COG5: variants seen among roughly 807,000 people sequenced by gnomAD.
COG5 encodes component of oligomeric golgi complex 5.
In COG5, 86 loss-of-function variants were observed where a neutral mutation model predicts 110.4. That is an observed-to-expected ratio of 0.78 (90% CI 0.65 to 0.93). COG5 has a LOEUF of 0.93. Among genes scored for constraint, COG5 ranks in the 40% least tolerant of loss-of-function variants. The pLI, the probability that COG5 is intolerant of heterozygous loss-of-function variation, is 0.00. For missense variants in COG5, 1,077 were observed against 987.0 expected (o/e 1.09, Z -1.22); for synonymous variants, 360 against 334.6 (o/e 1.08, Z -0.83).
intron 7 of COG5, 22 bp downstream of exon 7, chr7:107,412,480 A>G (rs556063261): frequency 1.2e-6 from 2 of 1,602,414 alleles, no homozygotes; most frequent in Non-Finnish European, 8.5e-7. Context: ...TTTACATTAA[A>G]AAACAGTCTT....
intron 7 of COG5, among the ~76,000 whole-genome samples, chr7:107,401,573 G>C (rs1217359787): frequency 6.6e-6 from 1 of 152,066 alleles, no homozygotes; most frequent in Non-Finnish European, 1.5e-5. Context: ...AAGGAAATAC[G>C]CGAGCTCTTA....
chr7:107,559,409 A>T (rs1482235134), intron 1 of COG5, among the ~76,000 whole-genome samples: 2 of 152,206 alleles, frequency 1.3e-5, no homozygotes, highest in Non-Finnish European at 2.9e-5. Flanking sequence ...ATTATGAAAC[A>T]AACAAAATAG....
chr7:107,235,320 A>T (rs1024802199), intron 18 of COG5, among the ~76,000 whole-genome samples: 14 of 152,348 alleles, frequency 9.2e-5, no homozygotes, highest in African/African-American at 3.1e-4. Context: ...ATTTATCTTT[A>T]TAAGTGGGGA....
At position 107,303,093 on chromosome 7, in the gene COG5, T is replaced by G. The variant is rs184742852; in HGVS notation, c.1109-4747A>C. 2.4e-3 allele frequency among the ~76,000 whole-genome samples: 364 copies of G among 151,878 alleles called. 3 individuals are homozygous for G. Among genetic ancestry groups the G allele is most frequent in the Non-Finnish European group, 3.9e-3 (265 of 67,934 alleles). On this transcript the variant is annotated intron_variant, in intron 11 of 21. Transcript: ENST00000297135. ...TTAAATAATAGAATGAAGTTTTTGG[T>G]TTTTTTTCTTTTTTTTCTTAGAGAT...
Position 107,339,629 on chromosome 7 carries a change from A to C in COG5, c.1027-15108T>G, listed in dbSNP as rs189987141. ...TTCATCACATGCTATGCCATAAAGC[A>C]AGTCTCAATAAATTAAAAATAAATT... is the stretch of plus-strand genomic sequence containing the variant. On this transcript the variant is annotated intron_variant, in intron 10 of 21. Transcript: ENST00000297135. Among the ~76,000 whole-genome samples the C allele has an allele frequency of 1.2e-4, 18 of 152,244 alleles. No individual in the cohort carries two copies. The East Asian group carries it at 3.3e-3, about 28-fold the overall frequency.
At chr7:107,499,536 G>A (rs1798504088) in intron 6 of COG5, among the ~76,000 whole-genome samples, 1 of 151,868 alleles carries the variant, frequency 6.6e-6, no homozygotes, top group African/African-American at 2.4e-5. Context: ...CTCCTGAGAA[G>A]CTAGGATTAA....
chr7:107,423,955 T>A (rs1054415106), intron 6 of COG5, among the ~76,000 whole-genome samples: 2 of 152,068 alleles, frequency 1.3e-5, no homozygotes, highest in Non-Finnish European at 2.9e-5. Flanking sequence ...TTGCAAAATA[T>A]TTCTAGAAAA....
chr7:107,265,819 C>G (rs1489773131), intron 14 of COG5, among the ~76,000 whole-genome samples: 1 of 152,108 alleles, frequency 6.6e-6, no homozygotes, highest in Non-Finnish European at 1.5e-5. Context: ...CTTTAGGAGG[C>G]TGAAGTGGGA....
chr7:107,281,181 C>G, intron 14 of COG5, 119 bp downstream of exon 14: 1 of 769,024 alleles, frequency 1.3e-6, no homozygotes, highest in South Asian at 1.8e-5. Context: ...CAAACTTTCA[C>G]TACAGTAAAA....
At chr7:107,563,174 T>C (rs567700149) in intron 1 of COG5, among the ~76,000 whole-genome samples, 2 of 152,294 alleles carry the variant, frequency 1.3e-5, no homozygotes, top group South Asian at 4.1e-4. Context: ...TTTGGGCAAC[T>C]TCTCTCCAAA....
chr7:107,403,224 T>A (rs1163488033), intron 7 of COG5, among the ~76,000 whole-genome samples: 2 of 152,162 alleles, frequency 1.3e-5, no homozygotes, highest in Non-Finnish European at 2.9e-5. Context: ...ATAGCTATTA[T>A]ATTAGTCTGT....
chr7:107,546,437 T>TTTTTTTTTG (rs1554461430), intron 5 of COG5, among the ~76,000 whole-genome samples: 1 of 143,194 alleles, frequency 7.0e-6, no homozygotes, highest in Non-Finnish European at 1.5e-5. Flanking sequence ...GGTTTTTTGT[T>TTTTTTTTTG]TTTTTTTTTT....
intron 10 of COG5, among the ~76,000 whole-genome samples, chr7:107,326,902 T>C (rs1809813580): frequency 6.6e-6 from 1 of 152,106 alleles, no homozygotes; most frequent in Non-Finnish European, 1.5e-5. Context: ...CAGAGCCAGG[T>C]GCAGTGGAAC....
intron 6 of COG5, among the ~76,000 whole-genome samples, chr7:107,485,146 C>T (rs530160416): frequency 1.3e-5 from 2 of 152,166 alleles, no homozygotes; most frequent in African/African-American, 4.8e-5. Context: ...AAGTGCAGAA[C>T]AAAAACTTGA....
At chr7:107,310,058 C>A (rs1433672751) in intron 11 of COG5, among the ~76,000 whole-genome samples, 1 of 152,158 alleles carries the variant, frequency 6.6e-6, no homozygotes, top group Non-Finnish European at 1.5e-5. Flanking sequence ...ACTTAACAAT[C>A]TTGACCTCTC....
chr7:107,207,837 G>C (rs938880361), intron 21 of COG5: 9 of 985,332 alleles, frequency 9.1e-6, no homozygotes, highest in Non-Finnish European at 1.1e-5. Context: ...GAAGAAAACA[G>C]GAAGGCAGGA....
intron 6 of COG5, among the ~76,000 whole-genome samples, chr7:107,511,954 A>C (rs1799550114): frequency 6.6e-6 from 1 of 152,228 alleles, no homozygotes; most frequent in Non-Finnish European, 1.5e-5. Flanking sequence ...GAATGGGCAA[A>C]AACTGGAAGC....
intron 15 of COG5, 72 bp downstream of exon 15, chr7:107,258,200 AT>A: frequency 2.3e-6 from 2 of 885,664 alleles, no homozygotes; most frequent in Non-Finnish European, 3.7e-6. Flanking sequence ...CTAAATAACA[AT>A]TTGTAAACTG....
intron 5 of COG5, among the ~76,000 whole-genome samples, chr7:107,530,544 TGA>T (rs1053278755): frequency 8.1e-5 from 11 of 136,322 alleles, no homozygotes; most frequent in African/African-American, 3.1e-4. Flanking sequence ...GAGGTTGCGA[TGA>T]GCCGAGATTG....
Sources: allele counts gnomAD v4.1 joint callset (sites outside exome capture counted in the v4.1 genomes callset), GRCh38; gene constraint gnomAD v4.1.1; transcripts MANE v1.5; gene names NCBI Gene and HGNC (gene_info 2026-07-23, HGNC 2026-07-21).